The following TFCP2L1 variants were observed in gnomAD, a reference collection of about 807,000 sequenced individuals.
The protein encoded by TFCP2L1 is transcription factor CP2 like 1.
Under a neutral mutation model 72.2 loss-of-function variants are expected in TFCP2L1, and 12 were observed. That is an observed-to-expected ratio of 0.17 (90% CI 0.11 to 0.27). The LOEUF is 0.27. Ranked by LOEUF, TFCP2L1 falls within the 10% of genes least tolerant of loss-of-function variation. The probability of loss-of-function intolerance (pLI) is 1.00; values close to 1 mark genes in which losing one functional copy is unlikely to be tolerated. For synonymous variants in TFCP2L1, 260 were observed against 251.0 expected, an observed-to-expected ratio of 1.04 and a Z score of -0.34; for missense variants, 488 against 624.6, an observed-to-expected ratio of 0.78 and a Z score of 2.33.
At chr2:121,278,068 C>T (rs1487962412) in intron 2 of TFCP2L1, among the ~76,000 whole-genome samples, 2 of 140,100 alleles carry the variant, frequency 1.4e-5, no homozygotes. Flanking sequence ...CTCGCTCTGT[C>T]GCCCAGGTCG....
chr2:121,224,438 C>T, intron 14 of TFCP2L1, 51 bp from the exon 15 acceptor site: 1 of 1,594,902 alleles, frequency 6.3e-7, no homozygotes, highest in Middle Eastern at 1.7e-4. Context: ...GGTGCAGTGC[C>T]ACAGTATTGG....
Position 121,259,369 on chromosome 2 carries a change from C to T in TFCP2L1, c.215-9722G>A, listed in dbSNP as rs549163997. The stretch of plus-strand genomic sequence containing the variant: ...ATATATATAATAGAGATATCCATAT[C>T]GATAGCTATCCCTATCTATACATCC... On this transcript the variant is annotated intron_variant, in intron 2 of 14. Transcript: ENST00000263707. Among the ~76,000 whole-genome samples the T allele has an allele frequency of 9.9e-5, 15 of 152,000 alleles. No homozygotes were observed. The South Asian group carries it at 2.9e-3, about 29-fold the overall frequency.
In TFCP2L1 at chr2:121,217,751, C is replaced by T. The variant is rs146241287; in HGVS notation, c.*6590G>A. The T allele has an allele frequency of 6.6e-6, 1 of 152,456 alleles. No individual in the cohort carries two copies. The highest frequency in any genetic ancestry group is 2.4e-5 in the African/African-American group (1 of 41,554). 9.4% of individuals were successfully genotyped at this position (152,456 alleles called of 1,614,324 possible). A position where few individuals can be genotyped will look rare whatever the true frequency, so the allele number is the denominator to read the frequency against. The stretch of plus-strand genomic sequence containing the variant: ...CCCACCACTGCTCAAAGTCCTTCTC[C>T]ACGCATCAACCCTGAGGGACCTGGC... On this transcript the variant is annotated 3_prime_UTR_variant, in exon 15 of 15. Transcript: ENST00000263707.
At chr2:121,267,712 C>G (rs1337250157) in intron 2 of TFCP2L1, among the ~76,000 whole-genome samples, 2 of 152,148 alleles carry the variant, frequency 1.3e-5, no homozygotes, top group Non-Finnish European at 1.5e-5. Flanking sequence ...CCAGGATGGT[C>G]TCGAATTCCT....
At chr2:121,281,317 C>T in intron 1 of TFCP2L1, 46 bp from the exon 2 acceptor site, 1 of 1,539,644 alleles carries the variant, frequency 6.5e-7, no homozygotes, top group South Asian at 1.3e-5. Context: ...CCCCAGGGGG[C>T]TCCTGCACAG....
intron 13 of TFCP2L1, 123 bp downstream of exon 13, chr2:121,231,703 G>T: frequency 1.4e-6 from 2 of 1,381,962 alleles, no homozygotes; most frequent in Non-Finnish European, 2.0e-6. Context: ...CACAGCTGCA[G>T]GTGGTGTGCA....
In TFCP2L1 at chr2:121,221,024, G is replaced by A. The variant is rs1043124598; in HGVS notation, c.*3317C>T. ...GACAATATTAGCCTCCTACACTTTT[G>A]AGAATTAAAATTTAGCCCACCATCA... On this transcript the variant is annotated 3_prime_UTR_variant, in exon 15 of 15. Coordinates refer to ENST00000263707, the MANE Select transcript of TFCP2L1 (RefSeq NM_014553.3). The A allele has an allele frequency of 2.6e-5, 4 of 152,158 alleles. No homozygotes were observed. The highest frequency in any genetic ancestry group is 3.2e-3 in the Middle Eastern group (1 of 316). The allele number at this position is 152,158 out of a possible 1,614,324, so 9.4% of individuals were successfully genotyped here. A position where few individuals can be genotyped will look rare whatever the true frequency, so the allele number is the denominator to read the frequency against.
At chr2:121,272,592 TC>T (rs1157991774) in intron 2 of TFCP2L1, among the ~76,000 whole-genome samples, 1 of 152,220 alleles carries the variant, frequency 6.6e-6, no homozygotes, top group African/African-American at 2.4e-5. Context: ...CCTGTGTTAA[TC>T]TTTGAATTGG....
intron 13 of TFCP2L1, among the ~76,000 whole-genome samples, chr2:121,229,056 A>G (rs1178069456): frequency 1.3e-5 from 2 of 152,106 alleles, no homozygotes; most frequent in Non-Finnish European, 2.9e-5. Flanking sequence ...AATAGCTGGG[A>G]TTACAGGCAC....
intron 6 of TFCP2L1, among the ~76,000 whole-genome samples, chr2:121,242,874 C>T (rs191763431): frequency 1.4e-3 from 214 of 152,296 alleles, no homozygotes; most frequent in African/African-American, 5.0e-3. Context: ...TCCTTACCCC[C>T]AACTCTCAGG....
intron 2 of TFCP2L1, among the ~76,000 whole-genome samples, chr2:121,250,814 C>G (rs1218790524): frequency 6.6e-6 from 1 of 151,642 alleles, no homozygotes; most frequent in Non-Finnish European, 1.5e-5. Flanking sequence ...ACCATGTTAG[C>G]CAGGCTGGTC....
intron 13 of TFCP2L1, among the ~76,000 whole-genome samples, chr2:121,226,773 C>A (rs148313299): frequency 0.018 from 2,692 of 152,296 alleles, 31 homozygotes; most frequent in Middle Eastern, 0.054. Flanking sequence ...TGTAGAGCAA[C>A]AGGAACTGGT....
At chr2:121,253,629 A>G (rs1284654535) in intron 2 of TFCP2L1, among the ~76,000 whole-genome samples, 1 of 152,188 alleles carries the variant, frequency 6.6e-6, no homozygotes, top group Non-Finnish European at 1.5e-5. Context: ...GGGCAACCTC[A>G]GCTCACGCCA....
rs1302484752 is a variant in TFCP2L1 at position 121,218,287 on chromosome 2, TAAG to T, written c.*6051_*6053del. ...TTGGTAAATACATGTCTACTAAAAATAAGAATTTTTTTTTTTGTGATGGGGGAG... is the reference window on the plus strand; with the variant it reads ...TTGGTAAATACATGTCTACTAAAAATAATTTTTTTTTTTGTGATGGGGGAG... On this transcript the variant is annotated 3_prime_UTR_variant, in exon 15 of 15. Coordinates refer to ENST00000263707, the MANE Select transcript of TFCP2L1 (RefSeq NM_014553.3). 3 of 152,012 alleles carry T rather than the reference TAAG, an allele frequency of 2.0e-5. No homozygotes were observed. Among genetic ancestry groups the T allele is most frequent in the Non-Finnish European group, 4.4e-5 (3 of 68,018 alleles). The allele number at this position is 152,012 out of a possible 1,614,324, so 9.4% of individuals were successfully genotyped here.
At chr2:121,225,476 C>G in intron 14 of TFCP2L1, 86 bp downstream of exon 14, 2 of 1,286,286 alleles carry the variant, frequency 1.6e-6, no homozygotes, top group Non-Finnish European at 2.3e-6. Flanking sequence ...CCCAGGTCAG[C>G]ACTCTCTGGA....
chr2:121,237,362 C>T (rs908384758), intron 10 of TFCP2L1, among the ~76,000 whole-genome samples: 2 of 152,186 alleles, frequency 1.3e-5, no homozygotes, highest in Non-Finnish European at 2.9e-5. Context: ...ACCAACCCCC[C>T]GCAGGTGAGG....
intron 6 of TFCP2L1, among the ~76,000 whole-genome samples, chr2:121,243,232 G>C (rs3768911): frequency 0.038 from 5,851 of 152,344 alleles, 202 homozygotes; most frequent in East Asian, 0.13. Flanking sequence ...ACTCCGAGCA[G>C]CGCTAGAACC....
chr2:121,257,998 T>C (rs1295936192), intron 2 of TFCP2L1, among the ~76,000 whole-genome samples: 4 of 152,122 alleles, frequency 2.6e-5, no homozygotes, highest in Non-Finnish European at 5.9e-5. Flanking sequence ...AATACTGGTA[T>C]GTCGTCGGTT....
chr2:121,256,685 G>A (rs1686734134), intron 2 of TFCP2L1, among the ~76,000 whole-genome samples: 1 of 152,112 alleles, frequency 6.6e-6, no homozygotes, highest in Admixed American at 6.5e-5. Flanking sequence ...GCTGAGGCAG[G>A]AGAATTGCTT....
Sources: gnomAD v4.1 joint callset for allele counts (sites outside exome capture counted in the v4.1 genomes callset) on GRCh38, gnomAD v4.1.1 for gene constraint, MANE v1.5 for transcripts, NCBI Gene and HGNC (gene_info 2026-07-23, HGNC 2026-07-21) for gene names.